ADAM28: variants seen among roughly 807,000 people sequenced by gnomAD.
ADAM28 encodes disintegrin and metalloproteinase domain-containing protein 28.
In ADAM28, 105 loss-of-function variants were observed where a neutral mutation model predicts 101.2. The observed-to-expected ratio is 1.04, with a 90% CI of 0.89 to 1.22. The LOEUF (loss-of-function observed/expected upper bound fraction) is 1.22, where lower values mean the gene tolerates loss of function less well. ADAM28 is among the 50% of genes most tolerant of loss of function. The probability of loss-of-function intolerance (pLI) is 0.00; values close to 1 mark genes in which losing one functional copy is unlikely to be tolerated. For synonymous variants in ADAM28, 322 were observed against 310.6 expected, an observed-to-expected ratio of 1.04 and a Z score of -0.39; for missense variants, 1,028 against 945.4, an observed-to-expected ratio of 1.09 and a Z score of -1.15.
At position 24,353,727 on chromosome 8, in the gene ADAM28, T is replaced by A. The variant is rs200417420; in HGVS notation, c.2245-43T>A. ...AAATATAGCTAAGATGGGACAAGCATAGCATTTCTAATGCCATACCATTGT... is the reference window on the plus strand; with the variant it reads ...AAATATAGCTAAGATGGGACAAGCAAAGCATTTCTAATGCCATACCATTGT... On this transcript the variant is annotated intron_variant, in intron 21 of 22. Coordinates refer to ENST00000265769, the MANE Select transcript of ADAM28 (RefSeq NM_014265.6). 2.5e-6 allele frequency: 3 copies of A among 1,207,350 alleles called. No individual in the cohort carries two copies. The African/African-American group carries it at 4.5e-5, about 18-fold the overall frequency. 74.8% of individuals were successfully genotyped at this position (1,207,350 alleles called of 1,614,324 possible).
intron 2 of ADAM28, among the ~76,000 whole-genome samples, chr8:24,305,110 TG>T (rs141041019): frequency 0.03 from 4,616 of 152,100 alleles, 259 homozygotes; most frequent in African/African-American, 0.1. Context: ...TCTACTTCTA[TG>T]TTTTTTTTAA....
At chr8:24,322,375 C>T (rs545245540) in intron 8 of ADAM28, among the ~76,000 whole-genome samples, 1 of 152,040 alleles carries the variant, frequency 6.6e-6, no homozygotes, top group Non-Finnish European at 1.5e-5. Flanking sequence ...TCAGATTGCT[C>T]TTATAGTCTC....
chr8:24,340,088 T>C (rs1407833458), intron 15 of ADAM28, among the ~76,000 whole-genome samples: 1 of 152,214 alleles, frequency 6.6e-6, no homozygotes, highest in Non-Finnish European at 1.5e-5. Flanking sequence ...GTTTTAGTAC[T>C]GATATCCGGG....
chr8:24,326,329 A>T (rs1211437356), intron 9 of ADAM28, among the ~76,000 whole-genome samples: 1 of 152,042 alleles, frequency 6.6e-6, no homozygotes, highest in Admixed American at 6.6e-5. Flanking sequence ...ATCAGAAATG[A>T]TAGAAAATAT....
rs1812207049 is a variant in ADAM28, at chr8:24,323,929, C to A, written c.816C>A (p.Thr272=). Residue 272 remains threonine (T), a synonymous_variant, in exon 9 of 23, where the codon ACC becomes ACA. Coordinates refer to ENST00000265769, the MANE Select transcript of ADAM28 (RefSeq NM_014265.6). ...KIKITPNASF[T]LENFSKWRGS... is the part of the protein sequence containing the mutation. ...AGATAACCCCAAATGCAAGCTTCAC[C>A]TTGGAGAATTTTTCTAAATGGAGGG... 1.2e-6 allele frequency: 2 copies of A among 1,612,212 alleles called. No individual in the cohort carries two copies. Among genetic ancestry groups the A allele is most frequent in the Non-Finnish European group, 1.7e-6 (2 of 1,178,822 alleles).
intron 9 of ADAM28, among the ~76,000 whole-genome samples, chr8:24,325,318 C>A (rs1042473394): frequency 1.3e-5 from 2 of 151,868 alleles, no homozygotes; most frequent in Middle Eastern, 3.4e-3. Context: ...AATAAAGATA[C>A]GATGAAAGGA....
Position 24,300,087 on chromosome 8 carries a change from T to C in ADAM28, c.150+10T>C. On this transcript the variant is annotated intron_variant, in intron 2 of 22. Transcript: ENST00000265769. ...AGAGCCAGAGCAACAGGTACAGCTT[T>C]TGATTTATCAAAGGATCTTGATTTG... is the stretch of plus-strand genomic sequence containing the variant. 6.2e-7 allele frequency: 1 copy of C among 1,602,084 alleles called. No homozygotes were observed. The highest frequency in any genetic ancestry group is 8.5e-7 in the Non-Finnish European group (1 of 1,172,254).
chr8:24,340,096 G>T (rs913720195), intron 15 of ADAM28, among the ~76,000 whole-genome samples: 1 of 152,018 alleles, frequency 6.6e-6, no homozygotes, highest in Non-Finnish European at 1.5e-5. Context: ...ACTGATATCC[G>T]GGAAAACACT....
chr8:24,298,562 T>A (rs1484297232), intron 1 of ADAM28, among the ~76,000 whole-genome samples: 2 of 152,204 alleles, frequency 1.3e-5, no homozygotes, highest in African/African-American at 4.8e-5. Context: ...GCCTCATCTA[T>A]GTTTGTTAAA....
intron 14 of ADAM28, among the ~76,000 whole-genome samples, chr8:24,336,982 T>C (rs968320632): frequency 5.9e-5 from 9 of 152,176 alleles, no homozygotes; most frequent in Admixed American, 5.2e-4. Flanking sequence ...AAACTTTTCA[T>C]AATTCCTGAA....
chr8:24,325,748 T>C (rs1161833334), intron 9 of ADAM28, among the ~76,000 whole-genome samples: 1 of 151,286 alleles, frequency 6.6e-6, no homozygotes, highest in African/African-American at 2.4e-5. Context: ...ATTTTTAGTA[T>C]TGTTTTATGG....
At chr8:24,351,545 A>T (rs1816140492) in intron 20 of ADAM28, 2 of 574,446 alleles carry the variant, frequency 3.5e-6, no homozygotes, top group Admixed American at 2.6e-5. Flanking sequence ...CACATACCGG[A>T]TGTCTGTCTG....
intron 5 of ADAM28, among the ~76,000 whole-genome samples, chr8:24,312,911 T>TCACTATAC (rs1563279399): frequency 9.9e-5 from 15 of 152,028 alleles, no homozygotes; most frequent in African/African-American, 3.4e-4. Context: ...TATCACTATA[T>TCACTATAC]TAGGTAGGTA....
intron 6 of ADAM28, 40 bp from the exon 7 acceptor site, chr8:24,320,196 A>G (rs1811682352): frequency 7.0e-7 from 1 of 1,432,536 alleles, no homozygotes; most frequent in Admixed American, 1.9e-5. Context: ...CTTTTGCAGA[A>G]AACAATATTG....
chr8:24,347,098 C>T (rs1243179545), intron 18 of ADAM28: 1 of 151,996 alleles, frequency 6.6e-6, no homozygotes, highest in Non-Finnish European at 1.5e-5. Context: ...CAAGATCATC[C>T]ATTCTAGTGA....
chr8:24,315,484 C>A (rs1475186218), intron 6 of ADAM28, among the ~76,000 whole-genome samples: 2 of 151,896 alleles, frequency 1.3e-5, no homozygotes, highest in African/African-American at 4.8e-5. Context: ...AAAGCCTGAA[C>A]AGACCAATAA....
At chr8:24,301,799 A>G (rs1451481947) in intron 2 of ADAM28, among the ~76,000 whole-genome samples, 1 of 152,190 alleles carries the variant, frequency 6.6e-6, no homozygotes. Flanking sequence ...CTGGCCATTA[A>G]GGTAGCTCAA....
In ADAM28 at chr8:24,310,382, T is replaced by C. The variant is rs1431902523; in HGVS notation, c.306+141T>C. The C allele has an allele frequency of 1.4e-5, 10 of 724,872 alleles. No individual in the cohort carries two copies. In the East Asian group the frequency reaches 2.7e-4, roughly 19 times the overall value. 44.9% of individuals were successfully genotyped at this position (724,872 alleles called of 1,614,324 possible). On this transcript the variant is annotated intron_variant, in intron 4 of 22. Transcript: ENST00000265769. ...TCAGCAGTAGCCATTACTTAAAATATAAAAAAAAGAAAAGTGGAAAATCAA... is the reference window on the plus strand; with the variant it reads ...TCAGCAGTAGCCATTACTTAAAATACAAAAAAAAGAAAAGTGGAAAATCAA...
At chr8:24,350,864 GTTTT>G (rs35073591) in intron 19 of ADAM28, among the ~76,000 whole-genome samples, 9,682 of 148,122 alleles carry the variant, frequency 0.065, 422 homozygotes, top group East Asian at 0.14. Flanking sequence ...GCACAACGGT[GTTTT>G]TTTTTTTTTT....
Sources: allele counts gnomAD v4.1 joint callset (sites outside exome capture counted in the v4.1 genomes callset), GRCh38; gene constraint gnomAD v4.1.1; transcripts MANE v1.5; gene names NCBI Gene and HGNC (gene_info 2026-07-23, HGNC 2026-07-21).